JADE1: variants seen among roughly 807,000 people sequenced by gnomAD.
JADE1 encodes the protein jade family PHD finger 1, also known as protein Jade-1.
In JADE1, 14 loss-of-function variants were observed where a neutral mutation model predicts 81.8. That is an observed-to-expected ratio of 0.17 (90% confidence interval 0.11 to 0.27). The LOEUF (loss-of-function observed/expected upper bound fraction) is 0.27, where lower values mean the gene tolerates loss of function less well. Among genes scored for constraint, JADE1 ranks in the 10% least tolerant of loss-of-function variants. The pLI is 1.00. For missense variants in JADE1, 690 were observed against 1,047.9 expected, an observed-to-expected ratio of 0.66 and a Z score of 4.71; for synonymous variants, 353 against 391.9, an observed-to-expected ratio of 0.90 and a Z score of 1.17.
intron 10 of JADE1, among the ~76,000 whole-genome samples, chr4:128,870,151 G>T (rs1372658976): frequency 1.3e-5 from 2 of 152,178 alleles, no homozygotes; most frequent in Admixed American, 6.5e-5. Flanking sequence ...CCTGTGGCAG[G>T]TGATTGAGTA....
chr4:128,833,630 G>A (rs1284108724), intron 2 of JADE1, among the ~76,000 whole-genome samples: 1 of 152,138 alleles, frequency 6.6e-6, no homozygotes, highest in Admixed American at 6.6e-5. Context: ...GGAGACGGAG[G>A]TTGCAGTGAG....
At chr4:128,831,710 A>C in intron 1 of JADE1, 23 bp from the exon 2 acceptor site, 1 of 1,608,428 alleles carries the variant, frequency 6.2e-7, no homozygotes, top group Non-Finnish European at 8.5e-7. Flanking sequence ...TCTTGGGTTA[A>C]GTGCTGTCTC....
intron 3 of JADE1, among the ~76,000 whole-genome samples, chr4:128,844,184 C>T (rs1729679349): frequency 6.6e-6 from 1 of 152,178 alleles, no homozygotes; most frequent in Admixed American, 6.5e-5. Context: ...CCTGTTACTT[C>T]AGCACAGGAA....
At chr4:128,847,290 C>T (rs147110142) in intron 4 of JADE1, among the ~76,000 whole-genome samples, 1 of 152,338 alleles carries the variant, frequency 6.6e-6, no homozygotes, top group East Asian at 1.9e-4. Flanking sequence ...TGCTGCTTTG[C>T]GAAATAGTGT....
In JADE1 at chr4:128,867,902, G is replaced by T; in HGVS notation, c.1550G>T (p.Arg517Leu). 1 of 1,613,822 alleles carries T rather than the reference G, an allele frequency of 6.2e-7. No homozygotes were observed. Among genetic ancestry groups the T allele is most frequent in the Non-Finnish European group, 8.5e-7 (1 of 1,179,810 alleles). The change falls in exon 10 of 11, where the codon CGG (arginine) becomes CTG (leucine). Residue 517 changes from arginine to leucine, a missense_variant. Transcript: ENST00000226319. Reference protein sequence around the residue: ...YMVTRREKIKRSVCKVQEQIF... With the variant: ...YMVTRREKIKLSVCKVQEQIF... Reference sequence around the variant, plus strand: ...GTGACCCGCAGGGAAAAGATTAAACGGTCTGTGTGCAAAGTCCAGGAACAG... The same window carrying T: ...GTGACCCGCAGGGAAAAGATTAAACTGTCTGTGTGCAAAGTCCAGGAACAG...
intron 1 of JADE1, among the ~76,000 whole-genome samples, chr4:128,818,421 A>G (rs190711973): frequency 6.6e-6 from 1 of 152,164 alleles, no homozygotes; most frequent in Non-Finnish European, 1.5e-5. Context: ...ATGGCCGGCC[A>G]TAGTTAGGGA....
rs374305998 is a variant in JADE1, at chr4:128,856,645, T to C, written c.865-693T>C. On this transcript the variant is annotated intron_variant, in intron 7 of 10. Transcript: ENST00000226319. ...TTCTAGTCTCAGACCTTGACTAATATAATTTGCATAGCTCAGTGTGAGAAT... is the reference window on the plus strand; with the variant it reads ...TTCTAGTCTCAGACCTTGACTAATACAATTTGCATAGCTCAGTGTGAGAAT... Among the ~76,000 whole-genome samples, 220 of 152,378 alleles carry C rather than the reference T, an allele frequency of 1.4e-3. 1 individual carries two copies. Among genetic ancestry groups the C allele is most frequent in the African/African-American group, 5.0e-3 (208 of 41,584 alleles).
chr4:128,843,443 G>A (rs934905833), intron 3 of JADE1, among the ~76,000 whole-genome samples: 2 of 152,162 alleles, frequency 1.3e-5, no homozygotes, highest in African/African-American at 4.8e-5. Context: ...CCATGGGTTT[G>A]TGGCTTATTT....
intron 1 of JADE1, among the ~76,000 whole-genome samples, chr4:128,814,814 C>T (rs1029649687): frequency 1.3e-5 from 2 of 151,958 alleles, no homozygotes; most frequent in Non-Finnish European, 2.9e-5. Flanking sequence ...CCACCTGCCT[C>T]GGCCTCCCAA....
At chr4:128,812,027 C>T (rs1342409853) in intron 1 of JADE1, 7 of 152,034 alleles carry the variant, frequency 4.6e-5, no homozygotes, top group African/African-American at 1.7e-4. Flanking sequence ...TTTCCAGCGG[C>T]GCAAGTGGCT....
intron 5 of JADE1, among the ~76,000 whole-genome samples, chr4:128,849,938 G>T (rs1231599157): frequency 6.6e-6 from 1 of 152,188 alleles, no homozygotes; most frequent in Admixed American, 6.5e-5. Flanking sequence ...CTTTTGTGCT[G>T]TAGGTACACG....
At chr4:128,851,914 G>C in intron 5 of JADE1, 143 bp from the exon 6 acceptor site, 1 of 642,518 alleles carries the variant, frequency 1.6e-6, no homozygotes, top group Non-Finnish European at 2.6e-6. Flanking sequence ...GAGCCACCAC[G>C]CCTGGCCAGT....
intron 1 of JADE1, among the ~76,000 whole-genome samples, chr4:128,816,746 T>C (rs1293506338): frequency 6.6e-6 from 1 of 152,238 alleles, no homozygotes; most frequent in African/African-American, 2.4e-5. Context: ...ACGAATTCAG[T>C]ATTTACTTTT....
intron 2 of JADE1, among the ~76,000 whole-genome samples, chr4:128,835,470 G>C (rs1728905604): frequency 1.3e-5 from 2 of 152,142 alleles, no homozygotes; most frequent in South Asian, 4.1e-4. Context: ...ATTTGCACTG[G>C]AGCCTTCCTT....
At chr4:128,829,512 T>C (rs572193292) in intron 1 of JADE1, among the ~76,000 whole-genome samples, 1 of 152,352 alleles carries the variant, frequency 6.6e-6, no homozygotes, top group East Asian at 1.9e-4. Flanking sequence ...TTGGATGAAT[T>C]GTGTAGATCC....
At chr4:128,842,750 A>G (rs1729548987) in intron 2 of JADE1, among the ~76,000 whole-genome samples, 1 of 152,182 alleles carries the variant, frequency 6.6e-6, no homozygotes, top group African/African-American at 2.4e-5. Flanking sequence ...CAGAATGAGC[A>G]CATTAGGCCT....
At chr4:128,824,940 G>GT (rs1321649528) in intron 1 of JADE1, among the ~76,000 whole-genome samples, 1 of 152,166 alleles carries the variant, frequency 6.6e-6, no homozygotes, top group African/African-American at 2.4e-5. Context: ...CAGAGAGTAA[G>GT]TAATTCTAGT....
chr4:128,827,972 G>A, intron 1 of JADE1: 2 of 800,440 alleles, frequency 2.5e-6, no homozygotes, highest in South Asian at 1.1e-4. Flanking sequence ...TGTTCTTCAG[G>A]ACTCAGCTCA....
At position 128,846,032 on chromosome 4, in the gene JADE1, C is replaced by T. The variant is rs1560754107; in HGVS notation, c.139-343C>T. 6.6e-6 allele frequency among the ~76,000 whole-genome samples: 1 copy of T among 152,088 alleles called. No individual in the cohort carries two copies. Among genetic ancestry groups the T allele is most frequent in the Non-Finnish European group, 1.5e-5 (1 of 67,998 alleles). On this transcript the variant is annotated intron_variant, in intron 3 of 10. Transcript: ENST00000226319. The surrounding 1 kb of genome is among the most constrained non-coding windows in gnomAD (Gnocchi z 4.0). ...AGAGCACCCTTGAGTGCAGTATCTC[C>T]CTTCAGAGATTTCCAGGTACATGTT...
Sources: allele counts gnomAD v4.1 joint callset (sites outside exome capture counted in the v4.1 genomes callset), GRCh38; gene constraint gnomAD v4.1.1; non-coding constraint Gnocchi (gnomAD v3.1); transcripts MANE v1.5; gene names NCBI Gene and HGNC (gene_info 2026-07-23, HGNC 2026-07-21).